The following BMPR1B variants were observed in gnomAD, a reference collection of about 807,000 sequenced individuals.
BMPR1B encodes bone morphogenetic protein receptor type 1B, also known as bone morphogenetic protein receptor type-1B.
BMPR1B carries 12 observed loss-of-function variants against 59.1 expected under a neutral mutation model. That is an observed-to-expected ratio of 0.20 (90% CI 0.13 to 0.33). The LOEUF (loss-of-function observed/expected upper bound fraction) is 0.33. Ranked by LOEUF, BMPR1B falls within the 10% of genes least tolerant of loss-of-function variation. BMPR1B has a pLI of 1.00. For synonymous variants in BMPR1B, 237 were observed against 207.3 expected (o/e 1.14, Z -1.23); for missense variants, 550 against 610.9 (o/e 0.90, Z 1.05).
intron 1 of BMPR1B, among the ~76,000 whole-genome samples, chr4:94,859,281 T>C (rs564914748): frequency 1.3e-5 from 2 of 152,178 alleles, no homozygotes; most frequent in African/African-American, 4.8e-5. Flanking sequence ...AAAAAAAGAA[T>C]TACTTTTTAA....
intron 1 of BMPR1B, among the ~76,000 whole-genome samples, chr4:94,850,410 G>A (rs570313545): frequency 3.6e-4 from 55 of 152,274 alleles, no homozygotes; most frequent in African/African-American, 1.2e-3. Flanking sequence ...GGCAGGTAGC[G>A]TGACTGCCTT....
At chr4:94,950,671 C>T (rs772491827) in intron 2 of BMPR1B, among the ~76,000 whole-genome samples, 4 of 152,120 alleles carry the variant, frequency 2.6e-5, no homozygotes, top group Non-Finnish European at 5.9e-5. Context: ...GGCACCAGTA[C>T]CATGCTGTTT....
chr4:95,085,654 T>C (rs530856489), intron 3 of BMPR1B, among the ~76,000 whole-genome samples: 5 of 152,300 alleles, frequency 3.3e-5, no homozygotes, highest in Admixed American at 6.5e-5. Flanking sequence ...AAAGTAATGC[T>C]GGGAAACTTG....
At chr4:94,816,994 G>A (rs1005067299) in intron 1 of BMPR1B, among the ~76,000 whole-genome samples, 2 of 152,144 alleles carry the variant, frequency 1.3e-5, no homozygotes, top group African/African-American at 4.8e-5. Context: ...GAATCCTCAT[G>A]AATGGGATTA....
intron 2 of BMPR1B, among the ~76,000 whole-genome samples, chr4:94,985,148 A>G (rs1237263155): frequency 2.0e-5 from 3 of 152,128 alleles, no homozygotes; most frequent in African/African-American, 7.2e-5. Context: ...GGTGGTGGAA[A>G]GGCCTTTATT....
intron 1 of BMPR1B, among the ~76,000 whole-genome samples, chr4:94,874,646 T>C (rs1726643995): frequency 6.6e-6 from 1 of 152,174 alleles, no homozygotes; most frequent in African/African-American, 2.4e-5. Context: ...TAAACTTGAT[T>C]AGAAAAATGT....
intron 2 of BMPR1B, among the ~76,000 whole-genome samples, chr4:94,953,150 G>A (rs939924213): frequency 2.6e-5 from 4 of 151,982 alleles, no homozygotes; most frequent in Non-Finnish European, 5.9e-5. Flanking sequence ...GAGCCTATGT[G>A]TGTCTCTGCA....
At chr4:94,841,544 C>T (rs1191382707) in intron 1 of BMPR1B, among the ~76,000 whole-genome samples, 1 of 152,030 alleles carries the variant, frequency 6.6e-6, no homozygotes, top group South Asian at 2.1e-4. Context: ...ATCCGTCACC[C>T]CTTTCTTTGA....
At chr4:94,857,113 T>A (rs1359376403) in intron 1 of BMPR1B, among the ~76,000 whole-genome samples, 3 of 151,582 alleles carry the variant, frequency 2.0e-5, no homozygotes, top group African/African-American at 7.3e-5. Context: ...ATGAAAAGAA[T>A]GAGATAAAAA....
chr4:94,796,029 A>G (rs1460473131), intron 1 of BMPR1B, among the ~76,000 whole-genome samples: 4 of 151,488 alleles, frequency 2.6e-5, no homozygotes, highest in African/African-American at 2.4e-5. Context: ...CAATGATGCA[A>G]TCTCGGCTTA....
intron 2 of BMPR1B, among the ~76,000 whole-genome samples, chr4:94,899,226 G>GATAA (rs1727707370): frequency 6.6e-6 from 1 of 151,824 alleles, no homozygotes; most frequent in Admixed American, 6.6e-5. Flanking sequence ...GGCCTATGTG[G>GATAA]ATAATCTAGG....
chr4:95,025,489 A>G (rs1209842216), intron 3 of BMPR1B, among the ~76,000 whole-genome samples: 1 of 152,150 alleles, frequency 6.6e-6, no homozygotes, highest in African/African-American at 2.4e-5. Flanking sequence ...CATGAAGACA[A>G]GGGGTTCAAT....
intron 2 of BMPR1B, among the ~76,000 whole-genome samples, chr4:94,970,138 A>G (rs976381624): frequency 1.3e-5 from 2 of 152,192 alleles, no homozygotes; most frequent in East Asian, 1.9e-4. Context: ...TACTCTGACA[A>G]TAATTCAGCA....
At chr4:95,051,562 C>A (rs572381927) in intron 3 of BMPR1B, 3 of 717,494 alleles carry the variant, frequency 4.2e-6, no homozygotes, top group Non-Finnish European at 4.6e-6. Flanking sequence ...TTGTCTTTCA[C>A]GGTCCTGTCT....
chr4:94,994,706 T>G (rs1721951860), intron 2 of BMPR1B, among the ~76,000 whole-genome samples: 1 of 152,182 alleles, frequency 6.6e-6, no homozygotes, highest in Admixed American at 6.5e-5. Flanking sequence ...TTTTTTTTTT[T>G]TTGGTCAGTT....
At chr4:94,935,531 A>C (rs1729260480) in intron 2 of BMPR1B, among the ~76,000 whole-genome samples, 1 of 152,186 alleles carries the variant, frequency 6.6e-6, no homozygotes, top group Non-Finnish European at 1.5e-5. Context: ...CAGAGTAATG[A>C]AAGAAAATCA....
At chr4:94,884,872 T>C (rs536431027) in intron 2 of BMPR1B, among the ~76,000 whole-genome samples, 1 of 152,302 alleles carries the variant, frequency 6.6e-6, no homozygotes, top group South Asian at 2.1e-4. Context: ...CTTTAGCCAA[T>C]AGAGCACAGC....
intron 2 of BMPR1B, among the ~76,000 whole-genome samples, chr4:94,983,477 A>G (rs1721223930): frequency 6.6e-6 from 1 of 152,186 alleles, no homozygotes. Context: ...ATTTTTGCCA[A>G]AAAGTTACAT....
chr4:94,771,962 A>G (rs1722203327), intron 1 of BMPR1B, among the ~76,000 whole-genome samples: 1 of 152,244 alleles, frequency 6.6e-6, no homozygotes, highest in Admixed American at 6.5e-5. Context: ...GATTGATGTT[A>G]AATTATAGGG....
Sources: allele counts gnomAD v4.1 joint callset (sites outside exome capture counted in the v4.1 genomes callset), GRCh38; gene constraint gnomAD v4.1.1; transcripts MANE v1.5; gene names NCBI Gene and HGNC (gene_info 2026-07-23, HGNC 2026-07-21).